Variants in ARHGEF28 observed in about 807,000 individuals in gnomAD.
ARHGEF28 encodes Rho guanine nucleotide exchange factor 28.
Under a neutral mutation model 206.6 loss-of-function variants are expected in ARHGEF28, and 152 were observed. The ratio of observed to expected loss-of-function variants is 0.74; its 90% CI spans 0.64 to 0.84. ARHGEF28 has a LOEUF of 0.84. ARHGEF28 is among the 40% of genes least tolerant of loss of function. ARHGEF28 has a pLI of 0.00. For missense variants in ARHGEF28, 2,028 were observed against 2,073.2 expected (o/e 0.98, Z 0.42); for synonymous variants, 763 against 776.4 (o/e 0.98, Z 0.29).
chr5:73,795,449 T>C, intron 9 of ARHGEF28, 58 bp downstream of exon 9: 2 of 1,440,482 alleles, frequency 1.4e-6, no homozygotes, highest in East Asian at 4.6e-5. Context: ...AGGTTTAGAG[T>C]GGACAAGAAG....
chr5:73,795,603 CA>C (rs1275358868), intron 9 of ARHGEF28: 1 of 476,150 alleles, frequency 2.1e-6, no homozygotes, highest in East Asian at 3.4e-5. Flanking sequence ...AAAAACAAGG[CA>C]ATCAAAGCTT....
At chr5:73,890,589 T>A (rs1278282974) in intron 26 of ARHGEF28, among the ~76,000 whole-genome samples, 1 of 152,176 alleles carries the variant, frequency 6.6e-6, no homozygotes, top group East Asian at 1.9e-4. Context: ...ATATTTTTAC[T>A]CTCATGCTAC....
At chr5:73,786,705 G>A (rs985645574) in intron 7 of ARHGEF28, among the ~76,000 whole-genome samples, 2 of 152,098 alleles carry the variant, frequency 1.3e-5, no homozygotes, top group South Asian at 2.1e-4. Flanking sequence ...TGGAGGTGGC[G>A]GTGTCATTTA....
Position 73,926,546 on chromosome 5 carries a change from C to T in ARHGEF28, c.4949-14298C>T, listed in dbSNP as rs540077215. On this transcript the variant is annotated intron_variant, in intron 35 of 35. Transcript: ENST00000513042. ...TACATGTTTCAGCCAAACTTGACAA[C>T]TCTCCCTACTTTGTGACATCTTGCA... is the stretch of plus-strand genomic sequence containing the variant. Among the ~76,000 whole-genome samples the T allele has an allele frequency of 2.0e-5, 3 of 152,308 alleles. No individual in the cohort carries two copies. The South Asian group carries it at 6.2e-4, about 32-fold the overall frequency.
chr5:73,689,222 G>A (rs945565563), intron 2 of ARHGEF28, among the ~76,000 whole-genome samples: 3 of 152,158 alleles, frequency 2.0e-5, no homozygotes, highest in Admixed American at 6.5e-5. Context: ...CTCTTGTGCT[G>A]TAGAATTTTT....
chr5:73,671,714 ATATATATATATATATATATATATATTT>A (rs1411636093), intron 1 of ARHGEF28, among the ~76,000 whole-genome samples: 1 of 46,220 alleles, frequency 2.2e-5, no homozygotes, highest in Non-Finnish European at 3.9e-5. Context: ...ATATATATAT[ATATATATATATATATATATATATATTT>A]TTTTTTTTTT....
At chr5:73,918,976 C>G (rs1763371114) in intron 35 of ARHGEF28, among the ~76,000 whole-genome samples, 1 of 152,172 alleles carries the variant, frequency 6.6e-6, no homozygotes, top group East Asian at 1.9e-4. Flanking sequence ...GATTGCTGGC[C>G]TGGGATACTG....
chr5:73,886,050 ACT>A lies in ARHGEF28; in HGVS notation c.3259_3260del (p.Leu1087ValfsTer3). On this transcript the variant is annotated frameshift_variant, in exon 25 of 36. Transcript: ENST00000513042. LOFTEE classifies it high-confidence loss of function. ...RKQALMSEER[T>X]LLYDGLVYWK... ...GCAGGCACTGATGAGTGAAGAAAGG[ACT>A]CTGTTATATGATGGCCTTGTTTACT... The A allele has an allele frequency of 6.2e-7, 1 of 1,613,860 alleles. No homozygotes were observed. Among genetic ancestry groups the A allele is most frequent in the South Asian group, 1.1e-5 (1 of 91,060 alleles).
chr5:73,910,470 A>G (rs1259324586), intron 34 of ARHGEF28, among the ~76,000 whole-genome samples: 1 of 150,390 alleles, frequency 6.6e-6, no homozygotes, highest in South Asian at 2.1e-4. Context: ...CCTTACCCTA[A>G]GGAACAAACA....
intron 22 of ARHGEF28, among the ~76,000 whole-genome samples, chr5:73,874,438 T>G (rs1018717682): frequency 1.3e-5 from 2 of 151,948 alleles, no homozygotes; most frequent in African/African-American, 4.8e-5. Flanking sequence ...TACTTTAAGT[T>G]TTAGGGTACA....
At chr5:73,894,645 A>G (rs1429209487) in intron 29 of ARHGEF28, 70 bp downstream of exon 29, 5 of 1,526,438 alleles carry the variant, frequency 3.3e-6, no homozygotes, top group Non-Finnish European at 4.4e-6. Context: ...GCTAAGTGCC[A>G]TGCACTGTGG....
chr5:73,627,466 A>G (rs1404698678), intron 1 of ARHGEF28, among the ~76,000 whole-genome samples: 3 of 152,156 alleles, frequency 2.0e-5, no homozygotes, highest in Non-Finnish European at 4.4e-5. Flanking sequence ...GTTCTGTGGC[A>G]TCTACTTTGT....
intron 4 of ARHGEF28, among the ~76,000 whole-genome samples, chr5:73,772,774 A>G (rs2339609): frequency 0.37 from 56,871 of 152,076 alleles, 12,839 homozygotes; most frequent in African/African-American, 0.64. Flanking sequence ...AATGTAGTTA[A>G]GATTGCTTTT....
In ARHGEF28 at chr5:73,811,929, G is replaced by A. The variant is rs564243733; in HGVS notation, c.1024+16538G>A. Among the ~76,000 whole-genome samples the A allele has an allele frequency of 4.7e-5, 7 of 148,576 alleles. No homozygotes were observed. The South Asian group carries it at 1.5e-3, about 31-fold the overall frequency. ...ACCCAGGAGGCAGAGGTTGCAATGA[G>A]CCGAGATCCTGCCACTGTACTCCAG... On this transcript the variant is annotated intron_variant, in intron 9 of 35. Transcript: ENST00000513042.
chr5:73,838,200 C>T (rs1757778204), intron 10 of ARHGEF28, among the ~76,000 whole-genome samples: 1 of 152,066 alleles, frequency 6.6e-6, no homozygotes, highest in African/African-American at 2.4e-5. Context: ...GCATTGTAAA[C>T]TGAGAAATAA....
intron 10 of ARHGEF28, among the ~76,000 whole-genome samples, chr5:73,839,119 G>A (rs774848649): frequency 6.6e-6 from 1 of 152,164 alleles, no homozygotes; most frequent in African/African-American, 2.4e-5. Flanking sequence ...GGAATACTAC[G>A]GAAGTGATGA....
At chr5:73,777,850 G>T (rs56248374) in intron 6 of ARHGEF28, among the ~76,000 whole-genome samples, 194 of 152,226 alleles carry the variant, frequency 1.3e-3, no homozygotes, top group Middle Eastern at 3.4e-3. Context: ...GGTAGCCGAG[G>T]TGGGTGGATC....
At chr5:73,926,714 C>T (rs1357723208) in intron 35 of ARHGEF28, among the ~76,000 whole-genome samples, 1 of 152,124 alleles carries the variant, frequency 6.6e-6, no homozygotes, top group African/African-American at 2.4e-5. Flanking sequence ...TCCTTGGCCA[C>T]CACATCTGGA....
chr5:73,781,383 A>T (rs1055910151), intron 7 of ARHGEF28, among the ~76,000 whole-genome samples: 3 of 152,164 alleles, frequency 2.0e-5, no homozygotes, highest in African/African-American at 7.2e-5. Flanking sequence ...TTCCTACTCT[A>T]TTCCACAACA....
Sources: allele counts gnomAD v4.1 joint callset (sites outside exome capture counted in the v4.1 genomes callset), GRCh38; gene constraint gnomAD v4.1.1; transcripts MANE v1.5; gene names NCBI Gene and HGNC (gene_info 2026-07-23, HGNC 2026-07-21).